Variants in RRM2 observed in about 807,000 individuals in gnomAD.
RRM2 encodes ribonucleoside-diphosphate reductase subunit M2.
RRM2 carries 6 observed loss-of-function variants against 45.9 expected under a neutral mutation model. The ratio of observed to expected loss-of-function variants is 0.13; its 90% confidence interval spans 0.07 to 0.26. The LOEUF (loss-of-function observed/expected upper bound fraction) is 0.26. RRM2 is among the 10% of genes least tolerant of loss of function. The pLI is 1.00. For synonymous variants in RRM2, 177 were observed against 173.0 expected (o/e 1.02, Z -0.18); for missense variants, 343 against 489.5 (o/e 0.70, Z 2.82).
upstream of RRM2, among the ~76,000 whole-genome samples, chr2:10,138,705 C>T (rs72786665): frequency 2.6e-5 from 4 of 152,326 alleles, no homozygotes; most frequent in Non-Finnish European, 5.9e-5. Flanking sequence ...GTTTCCACAT[C>T]GTGAACTAGG....
rs1299356511 is a variant in RRM2 at position 10,198,520 on chromosome 2, A to T, written n.483-11791A>T. The T allele has an allele frequency of 2.0e-5, 3 of 151,812 alleles. No homozygotes were observed. The East Asian group carries it at 5.8e-4, about 29-fold the overall frequency. 9.4% of individuals were successfully genotyped at this position (151,812 alleles called of 1,614,324 possible). A position where few individuals can be genotyped will look rare whatever the true frequency, so the allele number is the denominator to read the frequency against. On this transcript the variant is annotated intron_variant and non_coding_transcript_variant, in intron 3 of 3. Transcript: ENST00000381786. ...CTGGCTCAAGCAATCCTCCAGCTTC[A>T]GCTTTCCAAGTAGCTGAGGATACAG...
exon 2 of RRM2, chr2:10,141,926 ATGGAGACCAAT>A: frequency 6.3e-7 from 1 of 1,578,118 alleles, no homozygotes; most frequent in Non-Finnish European, 8.6e-7. Flanking sequence ...AGTGAGGGAG[ATGGAGACCAAT>A]CACCCACCCA....
intron 3 of RRM2, among the ~76,000 whole-genome samples, chr2:10,206,526 A>G (rs531719676): frequency 5.8e-4 from 88 of 152,332 alleles, no homozygotes; most frequent in Non-Finnish European, 1.1e-3. Flanking sequence ...CATGAAAAAC[A>G]CAAAAGAGAG....
downstream of RRM2, among the ~76,000 whole-genome samples, chr2:10,135,249 T>A (rs1405713434): frequency 6.6e-6 from 1 of 152,156 alleles, no homozygotes; most frequent in Non-Finnish European, 1.5e-5. Flanking sequence ...ATGCCTGTGA[T>A]CCCAGCTACT....
At chr2:10,134,284 C>T (rs1370951823), downstream of RRM2, among the ~76,000 whole-genome samples, 3 of 152,010 alleles carry the variant, frequency 2.0e-5, no homozygotes, top group Admixed American at 6.5e-5. Context: ...TGTAGCAGCT[C>T]TCCGAGTGGT....
chr2:10,164,002 A>ATG lies in RRM2; in HGVS notation n.482+21632_482+21633dup, dbSNP rs533945360. On this transcript the variant is annotated intron_variant and non_coding_transcript_variant, in intron 3 of 3. Transcript: ENST00000381786. ...CCCTCGAGCTAAAGCATGCATGTGA[A>ATG]TGTGTGCGTGTGTGTGTGTGTGTGC... Among the ~76,000 whole-genome samples the ATG allele has an allele frequency of 5.0e-4, 69 of 137,666 alleles. 1 individual carries two copies. Among genetic ancestry groups the ATG allele is most frequent in the Admixed American group, 4.3e-3 (59 of 13,790 alleles). The allele number at this position is 137,666 out of a possible 152,430, so 90.3% of individuals were successfully genotyped here. A position where few individuals can be genotyped will look rare whatever the true frequency, so the allele number is the denominator to read the frequency against.
chr2:10,179,576 G>A (rs896235682), intron 3 of RRM2, among the ~76,000 whole-genome samples: 13 of 152,150 alleles, frequency 8.5e-5, no homozygotes, highest in African/African-American at 3.1e-4. Context: ...CAGTTGCTGG[G>A]TTGTGTGGTA....
intron 3 of RRM2, among the ~76,000 whole-genome samples, chr2:10,167,559 G>A (rs574092274): frequency 6.6e-6 from 1 of 152,136 alleles, no homozygotes; most frequent in African/African-American, 2.4e-5. Context: ...GTGTAGTCCT[G>A]GGCCAGGTTT....
At chr2:10,177,771 G>A (rs1300368560) in intron 3 of RRM2, among the ~76,000 whole-genome samples, 1 of 143,058 alleles carries the variant, frequency 7.0e-6, no homozygotes, top group African/African-American at 2.6e-5. Context: ...ACAGGCATGC[G>A]CCATCACGTC....
At chr2:10,141,730 G>C in intron 1 of RRM2, 1 of 1,383,612 alleles carries the variant, frequency 7.2e-7, no homozygotes, top group East Asian at 2.5e-5. Context: ...GTGAGGGTGG[G>C]GTACTGTTCC....
At chr2:10,174,572 C>CT (rs1188142090) in intron 3 of RRM2, among the ~76,000 whole-genome samples, 1 of 65,668 alleles carries the variant, frequency 1.5e-5, no homozygotes, top group Admixed American at 2.0e-4. Flanking sequence ...GAATTATTTC[C>CT]TTAAAAAAAA....
At chr2:10,196,165 C>A (rs1343591632) in intron 3 of RRM2, among the ~76,000 whole-genome samples, 1 of 152,192 alleles carries the variant, frequency 6.6e-6, no homozygotes, top group Non-Finnish European at 1.5e-5. Flanking sequence ...GCACTGCAGA[C>A]CCCTGTCCTC....
At chr2:10,191,779 G>T (rs547171240) in intron 3 of RRM2, among the ~76,000 whole-genome samples, 1 of 152,254 alleles carries the variant, frequency 6.6e-6, no homozygotes, top group East Asian at 1.9e-4. Flanking sequence ...TAAGTGAGAG[G>T]CTCCCGCTAT....
chr2:10,126,614 C>T lies in RRM2; in HGVS notation c.570-261C>T, dbSNP rs1662784976. On this transcript the variant is annotated intron_variant, in intron 5 of 9. Transcript: ENST00000304567. ...GCTGTACTGGACTATGTTTTACTGT[C>T]TGTAGACCCTGAAGCTCAATATGAA... 3 of 490,904 alleles carry T rather than the reference C, an allele frequency of 6.1e-6. No individual in the cohort carries two copies. The South Asian group carries it at 9.6e-5, about 16-fold the overall frequency. The allele number at this position is 490,904 out of a possible 1,614,324, so 30.4% of individuals were successfully genotyped here.
rs1434934750 is a variant in RRM2, at chr2:10,169,791, A to AG, written n.482+27422dup. Reference sequence around the variant, plus strand: ...GGAGCAGGAGCAGGAGGCTGAGGCCAGGGGGGATGGCAGCCCCCGGGGATC... The same window carrying AG: ...GGAGCAGGAGCAGGAGGCTGAGGCCAGGGGGGGATGGCAGCCCCCGGGGATC... On this transcript the variant is annotated intron_variant and non_coding_transcript_variant, in intron 3 of 3. Coordinates refer to the RRM2 transcript ENST00000381786. The surrounding 1 kb of genome is among the most constrained non-coding windows in gnomAD (Gnocchi z 5.1). Among the ~76,000 whole-genome samples the AG allele has an allele frequency of 2.0e-5, 3 of 152,170 alleles. No individual in the cohort carries two copies.
chr2:10,194,022 A>G (rs72788356), intron 3 of RRM2, among the ~76,000 whole-genome samples: 6,979 of 152,346 alleles, frequency 0.046, 171 homozygotes, highest in Middle Eastern at 0.095. Flanking sequence ...GCTTAATGCC[A>G]AACATAAACA....
At chr2:10,124,030 T>C (rs1572486346) in intron 4 of RRM2, 178 bp downstream of exon 4, 1 of 620,324 alleles carries the variant, frequency 1.6e-6, no homozygotes, top group Non-Finnish European at 2.9e-6. Context: ...TATGGTATTT[T>C]CCCGACTCTA....
downstream of RRM2, among the ~76,000 whole-genome samples, chr2:10,131,981 C>A (rs1399871366): frequency 6.6e-6 from 1 of 152,192 alleles, no homozygotes; most frequent in Non-Finnish European, 1.5e-5. Flanking sequence ...ACAGGTGGGG[C>A]TAGAGGTCTT....
intron 3 of RRM2, among the ~76,000 whole-genome samples, chr2:10,149,176 T>A (rs1663255013): frequency 6.6e-6 from 1 of 151,808 alleles, no homozygotes; most frequent in African/African-American, 2.4e-5. Context: ...TTGCTCAGGC[T>A]GGAGTGCAGT....
Sources: gnomAD v4.1 joint callset for allele counts (sites outside exome capture counted in the v4.1 genomes callset) on GRCh38, gnomAD v4.1.1 for gene constraint, Gnocchi (gnomAD v3.1) non-coding constraint, MANE v1.5 for transcripts, NCBI Gene and HGNC (gene_info 2026-07-23, HGNC 2026-07-21) for gene names.